Variants in CDH4 observed in about 807,000 individuals in gnomAD.
The protein encoded by CDH4 is cadherin 4, also known as cadherin-4.
In CDH4, 33 loss-of-function variants were observed where a neutral mutation model predicts 86.0. That is an observed-to-expected ratio of 0.38 (90% CI 0.29 to 0.51). The LOEUF is 0.51. Among genes scored for constraint, CDH4 ranks in the 20% least tolerant of loss-of-function variants. CDH4 has a pLI of 0.86. For missense variants in CDH4, 1,114 were observed against 1,307.4 expected, an observed-to-expected ratio of 0.85 and a Z score of 2.28; for synonymous variants, 555 against 549.4, an observed-to-expected ratio of 1.01 and a Z score of -0.14.
chr20:61,847,640 T>C (rs1982518865), intron 5 of CDH4, among the ~76,000 whole-genome samples: 1 of 152,190 alleles, frequency 6.6e-6, no homozygotes, highest in Non-Finnish European at 1.5e-5. Context: ...CTGCGTAATA[T>C]AGAGAGAAAA....
At chr20:61,798,232 C>T (rs1364999492) in intron 4 of CDH4, among the ~76,000 whole-genome samples, 1 of 149,334 alleles carries the variant, frequency 6.7e-6, no homozygotes, top group African/African-American at 2.5e-5. Context: ...CCAGGAGCAC[C>T]CTCAGCTCCC....
intron 2 of CDH4, among the ~76,000 whole-genome samples, chr20:61,320,899 C>T (rs373587650): frequency 2.6e-5 from 4 of 151,926 alleles, no homozygotes; most frequent in Middle Eastern, 3.2e-3. Flanking sequence ...GTGGGCAGGG[C>T]GGGGTGCACA....
chr20:61,823,363 GTGA>G (rs1383181145), intron 4 of CDH4, among the ~76,000 whole-genome samples: 9 of 2,528 alleles, frequency 3.6e-3, no homozygotes, highest in South Asian at 9.3e-3. Flanking sequence ...GGTGATTACA[GTGA>G]TGATGATGGC....
chr20:61,595,340 T>C (rs2086549226), intron 2 of CDH4, among the ~76,000 whole-genome samples: 1 of 152,250 alleles, frequency 6.6e-6, no homozygotes, highest in African/African-American at 2.4e-5. Context: ...AGCAGAGACG[T>C]GGCTGCTGCC....
chr20:61,276,781 G>A (rs904432975), intron 2 of CDH4, among the ~76,000 whole-genome samples: 4 of 152,188 alleles, frequency 2.6e-5, no homozygotes, highest in African/African-American at 9.7e-5. Flanking sequence ...GGAGGCACAG[G>A]AGCCAGCAAG....
intron 2 of CDH4, among the ~76,000 whole-genome samples, chr20:61,336,551 C>T (rs551859598): frequency 7.2e-5 from 11 of 152,290 alleles, no homozygotes; most frequent in African/African-American, 2.4e-4. Flanking sequence ...TTTTGTGGGC[C>T]TCCTTCAGCC....
chr20:61,326,873 G>A (rs981897080), intron 2 of CDH4, among the ~76,000 whole-genome samples: 1 of 152,172 alleles, frequency 6.6e-6, no homozygotes, highest in African/African-American at 2.4e-5. Flanking sequence ...GTAATCCTCA[G>A]ACTCAGCAAG....
At chr20:61,422,523 G>A (rs2085185881) in intron 2 of CDH4, among the ~76,000 whole-genome samples, 1 of 145,726 alleles carries the variant, frequency 6.9e-6, no homozygotes, top group Non-Finnish European at 1.5e-5. Flanking sequence ...AGGGTTCAGA[G>A]CAGCAGTAAA....
At chr20:61,647,831 C>T (rs903228790) in intron 2 of CDH4, among the ~76,000 whole-genome samples, 3 of 152,042 alleles carry the variant, frequency 2.0e-5, no homozygotes, top group African/African-American at 7.3e-5. Context: ...GTGTCAGACT[C>T]AGAGGGAGAA....
At chr20:61,406,752 G>A (rs1293062905) in intron 2 of CDH4, among the ~76,000 whole-genome samples, 1 of 138,814 alleles carries the variant, frequency 7.2e-6, no homozygotes, top group Admixed American at 7.5e-5. Context: ...ACCACCATCT[G>A]CTCTGCCTGG....
In CDH4 at chr20:61,709,912, C is replaced by A. The variant is rs1370544653; in HGVS notation, c.170-33651C>A. ...AGATGATCACGTCTGTTTTTGTAGC[C>A]GTGTGAGAGTTTTTTTCATTAGCGG... On this transcript the variant is annotated intron_variant, in intron 2 of 15. Transcript: ENST00000614565. The surrounding 1 kb of genome is among the most constrained non-coding windows in gnomAD (Gnocchi z 4.8). Among the ~76,000 whole-genome samples the A allele has an allele frequency of 6.6e-6, 1 of 152,092 alleles. No homozygotes were observed. The highest frequency in any genetic ancestry group is 1.5e-5 in the Non-Finnish European group (1 of 68,030).
chr20:61,908,952 G>A (rs8121377), intron 8 of CDH4, among the ~76,000 whole-genome samples: 4,895 of 152,302 alleles, frequency 0.032, 222 homozygotes, highest in African/African-American at 0.11. Flanking sequence ...ACTCCTGGCT[G>A]AGGGCAGGTG....
intron 2 of CDH4, among the ~76,000 whole-genome samples, chr20:61,331,810 C>T (rs2084582222): frequency 6.8e-6 from 1 of 147,828 alleles, no homozygotes; most frequent in Non-Finnish European, 1.5e-5. Context: ...GAGCAGTTCT[C>T]ATCTGCTGGC....
intron 2 of CDH4, among the ~76,000 whole-genome samples, chr20:61,344,839 G>A (rs1568806530): frequency 6.6e-6 from 1 of 152,164 alleles, no homozygotes; most frequent in Non-Finnish European, 1.5e-5. Context: ...TTGATCATAT[G>A]AAGCCACCAA....
intron 2 of CDH4, among the ~76,000 whole-genome samples, chr20:61,734,021 T>C (rs150102387): frequency 0.025 from 3,854 of 152,318 alleles, 63 homozygotes; most frequent in South Asian, 0.046. Flanking sequence ...GCAGGCTGTC[T>C]CCTGGCCCCT....
chr20:61,755,368 CCACACACACACA>C (rs35461836), intron 3 of CDH4, among the ~76,000 whole-genome samples: 8 of 144,680 alleles, frequency 5.5e-5, no homozygotes, highest in Non-Finnish European at 1.2e-4. Context: ...GCCACACACA[CCACACACACACA>C]CACACACACG....
rs2088738364 is a variant in CDH4, at chr20:61,768,998, G to A, written c.397-4005G>A. On this transcript the variant is annotated intron_variant, in intron 3 of 15. Transcript: ENST00000614565. ...CTGGTTCTGAAGCACCACCAGGCGGGAGAGACCAGCCAGTCTCTGCCTCCG... is the reference window on the plus strand; with the variant it reads ...CTGGTTCTGAAGCACCACCAGGCGGAAGAGACCAGCCAGTCTCTGCCTCCG... 2.0e-5 allele frequency among the ~76,000 whole-genome samples: 3 copies of A among 152,180 alleles called. No homozygotes were observed. The South Asian group carries it at 6.2e-4, about 32-fold the overall frequency.
intron 2 of CDH4, among the ~76,000 whole-genome samples, chr20:61,605,359 A>C (rs2086635136): frequency 6.2e-5 from 9 of 146,134 alleles, no homozygotes; most frequent in East Asian, 2.1e-4. Flanking sequence ...CTGTCTCCCT[A>C]TTTGTCTTTC....
intron 2 of CDH4, among the ~76,000 whole-genome samples, chr20:61,272,054 T>A (rs2084186326): frequency 6.6e-6 from 1 of 152,186 alleles, no homozygotes; most frequent in South Asian, 2.1e-4. Context: ...TAAAATTGTG[T>A]CATTAATGGC....
Sources: allele counts gnomAD v4.1 joint callset (sites outside exome capture counted in the v4.1 genomes callset), GRCh38; gene constraint gnomAD v4.1.1; non-coding constraint Gnocchi (gnomAD v3.1); transcripts MANE v1.5; gene names NCBI Gene and HGNC (gene_info 2026-07-23, HGNC 2026-07-21).